WWTR1: variants seen among roughly 807,000 people sequenced by gnomAD.
WWTR1 encodes the protein WW domain-containing transcription regulator protein 1.
Under a neutral mutation model 40.1 loss-of-function variants are expected in WWTR1, and 13 were observed. The observed-to-expected ratio is 0.32, with a 90% CI of 0.21 to 0.52. The LOEUF (loss-of-function observed/expected upper bound fraction) is 0.52. Ranked by LOEUF, WWTR1 falls within the 20% of genes least tolerant of loss-of-function variation. The pLI is 0.97. For synonymous variants in WWTR1, 230 were observed against 210.1 expected (o/e 1.09, Z -0.82); for missense variants, 436 against 523.1 (o/e 0.83, Z 1.63).
rs775582424 is a variant in WWTR1 at position 149,572,858 on chromosome 3, G to A, written c.568+6C>T. The A allele has an allele frequency of 6.2e-7, 1 of 1,613,630 alleles. No individual in the cohort carries two copies. Among genetic ancestry groups the A allele is most frequent in the East Asian group, 2.2e-5 (1 of 44,860 alleles). The stretch of plus-strand genomic sequence containing the variant: ...TTTTTTAATTTTAAAAAAGCTTGAG[G>A]CTTACCGAGATTTGGCTGGGATACT... On this transcript the variant is annotated splice_donor_region_variant and intron_variant, in intron 3 of 6. Coordinates refer to ENST00000360632, the MANE Select transcript of WWTR1 (RefSeq NM_015472.6).
intron 2 of WWTR1, among the ~76,000 whole-genome samples, chr3:149,627,092 C>T (rs1239568704): frequency 6.6e-6 from 1 of 152,048 alleles, no homozygotes; most frequent in Admixed American, 6.6e-5. Flanking sequence ...AATATGAATT[C>T]CAGATAAATA....
chr3:149,572,850 A>T lies in WWTR1; in HGVS notation c.568+14T>A. On this transcript the variant is annotated intron_variant, in intron 3 of 6. Coordinates refer to ENST00000360632, the MANE Select transcript of WWTR1 (RefSeq NM_015472.6). ...AAAATATCTTTTTTAATTTTAAAAA[A>T]GCTTGAGGCTTACCGAGATTTGGCT... 3 of 1,612,262 alleles carry T rather than the reference A, an allele frequency of 1.9e-6. No individual in the cohort carries two copies. Among genetic ancestry groups the T allele is most frequent in the Non-Finnish European group, 2.5e-6 (3 of 1,179,650 alleles).
chr3:149,541,004 ACAG>A, intron 4 of WWTR1: 1 of 455,052 alleles, frequency 2.2e-6, no homozygotes, highest in Non-Finnish European at 4.4e-6. Flanking sequence ...CTTTAAAAAA[ACAG>A]CATTTACCCT....
chr3:149,648,937 G>C (rs1712685737), intron 2 of WWTR1: 1 of 152,090 alleles, frequency 6.6e-6, no homozygotes, highest in African/African-American at 2.4e-5. Context: ...TCTTCTTTTA[G>C]GACATACTCA....
intron 2 of WWTR1, among the ~76,000 whole-genome samples, chr3:149,633,020 T>C (rs186433498): frequency 9.1e-4 from 139 of 152,360 alleles, no homozygotes; most frequent in Non-Finnish European, 1.6e-4. Context: ...CCTGAATCTA[T>C]TAAAAACTAT....
At chr3:149,688,324 C>A (rs377707872) in intron 1 of WWTR1, among the ~76,000 whole-genome samples, 1 of 152,030 alleles carries the variant, frequency 6.6e-6, no homozygotes, top group African/African-American at 2.4e-5. Flanking sequence ...AGGCCTTGGG[C>A]GAGACCCAGT....
At chr3:149,697,052 G>A (rs890167041) in intron 1 of WWTR1, among the ~76,000 whole-genome samples, 3 of 152,240 alleles carry the variant, frequency 2.0e-5, no homozygotes, top group East Asian at 3.9e-4. Context: ...TTGAGTTGAT[G>A]GTGCTCCAGT....
At chr3:149,642,955 T>C (rs1290666413) in intron 2 of WWTR1, among the ~76,000 whole-genome samples, 4 of 152,178 alleles carry the variant, frequency 2.6e-5, no homozygotes, top group African/African-American at 9.7e-5. Context: ...TTTATGATTC[T>C]TAATCCCGCC....
In WWTR1 at chr3:149,551,837, C is replaced by A. The variant is rs1212467068; in HGVS notation, c.569-9300G>T. On this transcript the variant is annotated intron_variant, in intron 3 of 6. Coordinates refer to ENST00000360632, the MANE Select transcript of WWTR1 (RefSeq NM_015472.6). ...CAGGAGCCAGTACAAAATGACCTTT[C>A]ATTATTCAGAACTGTCAGGCTATCC... Among the ~76,000 whole-genome samples, 4 of 145,820 alleles carry A rather than the reference C, an allele frequency of 2.7e-5. 1 individual carries two copies. Among genetic ancestry groups the A allele is most frequent in the African/African-American group, 1.0e-4 (4 of 38,406 alleles).
chr3:149,554,853 T>G (rs1283308761), intron 3 of WWTR1, among the ~76,000 whole-genome samples: 1 of 152,186 alleles, frequency 6.6e-6, no homozygotes, highest in Non-Finnish European at 1.5e-5. Context: ...GAAAAACAAT[T>G]ATCTAGCCTG....
At chr3:149,575,154 A>G (rs551035221) in intron 2 of WWTR1, among the ~76,000 whole-genome samples, 131 of 152,278 alleles carry the variant, frequency 8.6e-4, no homozygotes, top group African/African-American at 3.2e-3. Flanking sequence ...TTCCCTAAGT[A>G]TAAAGTAAAT....
intron 2 of WWTR1, among the ~76,000 whole-genome samples, chr3:149,586,752 A>G (rs1738448424): frequency 6.6e-6 from 1 of 152,178 alleles, no homozygotes; most frequent in Non-Finnish European, 1.5e-5. Context: ...CCCACACCAC[A>G]TCCCAACCTT....
intron 2 of WWTR1, among the ~76,000 whole-genome samples, chr3:149,622,502 G>GAAGAAAGAAAGAAAAGAAAGA (rs1740344462): frequency 4.3e-5 from 2 of 46,298 alleles, no homozygotes; most frequent in African/African-American, 1.6e-4. Flanking sequence ...AGGAAGGAAG[G>GAAGAAAGAAAGAAAAGAAAGA]AAGAAAGAAA....
chr3:149,585,687 C>T (rs1738389750), intron 2 of WWTR1, among the ~76,000 whole-genome samples: 1 of 152,152 alleles, frequency 6.6e-6, no homozygotes, highest in African/African-American at 2.4e-5. Context: ...CATGTCAGCA[C>T]AAGATTTTCT....
At chr3:149,602,512 A>G (rs1338651094) in intron 2 of WWTR1, among the ~76,000 whole-genome samples, 6 of 152,210 alleles carry the variant, frequency 3.9e-5, no homozygotes, top group Non-Finnish European at 8.8e-5. Flanking sequence ...CACAGACTGA[A>G]AGGTAGAGAG....
At chr3:149,665,153 G>C (rs1274916666) in intron 2 of WWTR1, among the ~76,000 whole-genome samples, 2 of 151,610 alleles carry the variant, frequency 1.3e-5, no homozygotes, top group Non-Finnish European at 2.9e-5. Flanking sequence ...AGAAGTTAAT[G>C]ATCAGGGCAT....
At chr3:149,664,787 A>G (rs1309845663) in intron 2 of WWTR1, among the ~76,000 whole-genome samples, 1 of 151,840 alleles carries the variant, frequency 6.6e-6, no homozygotes, top group African/African-American at 2.4e-5. Context: ...GGGTTTCTCT[A>G]TGTTGGTCAG....
chr3:149,635,648 G>A (rs1711782957), intron 2 of WWTR1, among the ~76,000 whole-genome samples: 1 of 136,840 alleles, frequency 7.3e-6, no homozygotes, highest in Admixed American at 6.9e-5. Context: ...GAAGGAAGAA[G>A]GAGAAGAAGA....
rs550979224 is a variant in WWTR1, at chr3:149,524,972, G to C, written c.1018+1041C>G. ...TCTAGAATATCTTCTTAGAGTTTAT[G>C]ACTTTCATAATTAAGTCTAGGTAAG... is the stretch of plus-strand genomic sequence containing the variant. On this transcript the variant is annotated intron_variant, in intron 6 of 6. Transcript: ENST00000360632. Among the ~76,000 whole-genome samples, 3 of 152,306 alleles carry C rather than the reference G, an allele frequency of 2.0e-5. No individual in the cohort carries two copies. The South Asian group carries it at 6.2e-4, about 32-fold the overall frequency.
Sources: allele counts gnomAD v4.1 joint callset (sites outside exome capture counted in the v4.1 genomes callset), GRCh38; gene constraint gnomAD v4.1.1; transcripts MANE v1.5; gene names NCBI Gene and HGNC (gene_info 2026-07-23, HGNC 2026-07-21).